The following PTPN13 variants were observed in gnomAD, a reference collection of about 807,000 sequenced individuals.
PTPN13 encodes the protein protein tyrosine phosphatase non-receptor type 13, also known as tyrosine-protein phosphatase non-receptor type 13.
A neutral mutation model predicts 284.0 loss-of-function variants in PTPN13; 191 were observed. The ratio of observed to expected loss-of-function variants is 0.67; its 90% CI spans 0.60 to 0.76. PTPN13 has a LOEUF of 0.76. Among genes scored for constraint, PTPN13 ranks in the 30% least tolerant of loss-of-function variants. The pLI is 0.00. For synonymous variants in PTPN13, 986 were observed against 1,022.3 expected, an observed-to-expected ratio of 0.96 and a Z score of 0.68; for missense variants, 2,797 against 2,939.9, an observed-to-expected ratio of 0.95 and a Z score of 1.12.
At chr4:86,729,112 G>A (rs1161743005) in intron 10 of PTPN13, among the ~76,000 whole-genome samples, 1 of 149,202 alleles carries the variant, frequency 6.7e-6, no homozygotes. Context: ...GCTTAGTTTG[G>A]CTGGATGTGA....
At chr4:86,727,108 A>C (rs1393062106) in intron 10 of PTPN13, among the ~76,000 whole-genome samples, 1 of 149,578 alleles carries the variant, frequency 6.7e-6, no homozygotes, top group Non-Finnish European at 1.5e-5. Flanking sequence ...TATGTGTTGA[A>C]TTACATTTAT....
At chr4:86,653,300 G>A (rs1725317398) in intron 2 of PTPN13, among the ~76,000 whole-genome samples, 2 of 151,936 alleles carry the variant, frequency 1.3e-5, no homozygotes, top group East Asian at 1.9e-4. Flanking sequence ...TGATGCTTTC[G>A]GATGTTCATT....
chr4:86,685,425 A>G (rs1420867463), intron 3 of PTPN13, among the ~76,000 whole-genome samples: 1 of 152,164 alleles, frequency 6.6e-6, no homozygotes, highest in Non-Finnish European at 1.5e-5. Flanking sequence ...CCTTGACAAT[A>G]TAGTGAGATC....
At chr4:86,667,525 A>G (rs1021119605) in intron 2 of PTPN13, among the ~76,000 whole-genome samples, 6 of 152,200 alleles carry the variant, frequency 3.9e-5, no homozygotes, top group Admixed American at 6.5e-5. Context: ...AAAACTATCA[A>G]GAAAATGTTA....
chr4:86,769,670 G>C (rs1351627005), intron 28 of PTPN13, 99 bp from the exon 29 acceptor site: 1 of 772,742 alleles, frequency 1.3e-6, no homozygotes. Flanking sequence ...CGGGAAAATG[G>C]GCTTTTAAAA....
chr4:86,775,527 G>A lies in PTPN13; in HGVS notation c.5766G>A (p.Glu1922=), dbSNP rs1565549039. 1.9e-6 allele frequency: 3 copies of A among 1,613,092 alleles called. No homozygotes were observed. The highest frequency in any genetic ancestry group is 3.3e-5 in the Admixed American group (2 of 59,968). ...DINPRSVAAI[E]GNLQLLDVIH... ...ATCCAAGGTCCGTCGCAGCCATTGA[G>A]GGTAATCTCCAGCTATTAGATGTCA... The change falls in exon 35 of 48, where the codon GAG becomes GAA. Residue 1922 remains glutamate, a synonymous_variant. Coordinates refer to ENST00000411767, the MANE Select transcript of PTPN13 (RefSeq NM_080683.3).
rs1731197044 is a variant in PTPN13 at position 86,701,783 on chromosome 4, G to A, written c.1177G>A (p.Glu393Lys). The A allele has an allele frequency of 6.2e-7, 1 of 1,610,998 alleles. No individual in the cohort carries two copies. Among genetic ancestry groups the A allele is most frequent in the Non-Finnish European group, 8.5e-7 (1 of 1,178,892 alleles). ...ERQKKLQVLR[E>K]AMNVEEPVRR... is the part of the protein sequence containing the mutation. ...ACAAAAGAAACTTCAGGTTCTGAGG[G>A]AAGCCATGAATGTAGAAGGTTAGTA... Residue 393 changes from glutamate to lysine, a missense_variant, in exon 7 of 48, where the codon GAA (glutamate) becomes AAA (lysine). By Grantham distance (56) the Glu-to-Lys change is moderately conservative (BLOSUM62 1). Transcript: ENST00000411767.
chr4:86,731,623 AT>A (rs147873989), intron 10 of PTPN13, among the ~76,000 whole-genome samples: 2 of 152,002 alleles, frequency 1.3e-5, no homozygotes, highest in Admixed American at 1.3e-4. Context: ...ACTATGACCA[AT>A]TTTTTTGTTT....
intron 47 of PTPN13, among the ~76,000 whole-genome samples, chr4:86,812,714 C>CG (rs1358729476): frequency 6.6e-6 from 1 of 151,810 alleles, no homozygotes; most frequent in Non-Finnish European, 1.5e-5. Context: ...GCCAATGTGG[C>CG]GGGCAGGGCA....
chr4:86,615,895 T>C (rs1242389033), intron 1 of PTPN13, among the ~76,000 whole-genome samples: 1 of 152,178 alleles, frequency 6.6e-6, no homozygotes, highest in African/African-American at 2.4e-5. Flanking sequence ...TTCTAAGTCA[T>C]AGGCTCAAAA....
intron 7 of PTPN13, among the ~76,000 whole-genome samples, chr4:86,704,449 T>C (rs746034449): frequency 2.8e-4 from 43 of 152,214 alleles, no homozygotes; most frequent in Non-Finnish European, 4.7e-4. Context: ...TATATTAGAC[T>C]ATTGTAGCAT....
At chr4:86,691,423 CA>C (rs1325448022) in intron 5 of PTPN13, among the ~76,000 whole-genome samples, 2 of 151,998 alleles carry the variant, frequency 1.3e-5, no homozygotes, top group African/African-American at 2.4e-5. Flanking sequence ...CAGTTGGAAT[CA>C]GCATGTAGAG....
Position 86,701,669 on chromosome 4 carries a change from G to A in PTPN13, c.1063G>A (p.Gly355Ser), listed in dbSNP as rs766765987. Residue 355 changes from glycine to serine, a missense_variant, in exon 7 of 48, where the codon GGC (glycine) becomes AGC (serine). By Grantham distance (56) the Gly-to-Ser change is moderately conservative. Coordinates refer to ENST00000411767, the MANE Select transcript of PTPN13 (RefSeq NM_080683.3). ...TGGAAGTATAGCCTTGGATATCTTT[G>A]GCCCTCAGAAAATGGATCCAATATA... ...SDGSIALDIF[G>S]PQKMDPIYHT... 1 of 1,613,824 alleles carries A rather than the reference G, an allele frequency of 6.2e-7. No individual in the cohort carries two copies. Among genetic ancestry groups the A allele is most frequent in the Non-Finnish European group, 8.5e-7 (1 of 1,179,842 alleles).
Position 86,722,210 on chromosome 4 carries a change from A to G in PTPN13, c.1386-2A>G. On this transcript the variant is annotated splice_acceptor_variant, in intron 9 of 47. Transcript: ENST00000411767. LOFTEE classifies it high-confidence loss of function. ...CTCACCTGTCTCCTCTTTTCTATAT[A>G]GCAGACAATATGAAACACCCTTTGA... 1 of 1,607,062 alleles carries G rather than the reference A, an allele frequency of 6.2e-7. No homozygotes were observed. The highest frequency in any genetic ancestry group is 1.1e-5 in the South Asian group (1 of 90,882).
intron 6 of PTPN13, among the ~76,000 whole-genome samples, chr4:86,700,305 AATCTTCAGTGTTT>A (rs1449481199): frequency 1.3e-5 from 2 of 152,166 alleles, no homozygotes; most frequent in Non-Finnish European, 2.9e-5. Context: ...TAGCACATGA[AATCTTCAGTGTTT>A]ATGGGCTATT....
At chr4:86,706,302 A>T (rs1177385145) in intron 7 of PTPN13, among the ~76,000 whole-genome samples, 1 of 152,226 alleles carries the variant, frequency 6.6e-6, no homozygotes, top group African/African-American at 2.4e-5. Context: ...AAGAGACCAG[A>T]TACATGTCAG....
chr4:86,692,437 C>A (rs906830533), intron 5 of PTPN13, among the ~76,000 whole-genome samples: 9 of 152,134 alleles, frequency 5.9e-5, no homozygotes, highest in Non-Finnish European at 8.8e-5. Flanking sequence ...CAGCAAAATT[C>A]ACTAATGGAG....
At chr4:86,704,904 A>G (rs755816622) in intron 7 of PTPN13, among the ~76,000 whole-genome samples, 1 of 152,214 alleles carries the variant, frequency 6.6e-6, no homozygotes, top group Admixed American at 6.5e-5. Flanking sequence ...GCAATAAATT[A>G]TGTTTGCTTT....
At chr4:86,790,523 G>A (rs571920895) in intron 40 of PTPN13, among the ~76,000 whole-genome samples, 41 of 152,206 alleles carry the variant, frequency 2.7e-4, no homozygotes, top group African/African-American at 9.6e-4. Flanking sequence ...AAGTTTGTTT[G>A]TTGTTTTTAA....
Sources: gnomAD v4.1 joint callset for allele counts (sites outside exome capture counted in the v4.1 genomes callset) on GRCh38, gnomAD v4.1.1 for gene constraint, MANE v1.5 for transcripts, NCBI Gene and HGNC (gene_info 2026-07-23, HGNC 2026-07-21) for gene names.